The following DGCR8 variants were observed in gnomAD, a reference collection of about 807,000 sequenced individuals.
DGCR8 encodes DGCR8 microprocessor complex subunit, also known as microprocessor complex subunit DGCR8.
In DGCR8, 14 loss-of-function variants were observed where a neutral mutation model predicts 78.5. That is an observed-to-expected ratio of 0.18 (90% CI 0.12 to 0.28). The LOEUF (loss-of-function observed/expected upper bound fraction) is 0.28, where lower values mean the gene tolerates loss of function less well. Among genes scored for constraint, DGCR8 ranks in the 10% least tolerant of loss-of-function variants. The pLI, the probability that DGCR8 is intolerant of heterozygous loss-of-function variation, is 1.00. For missense variants in DGCR8, 702 were observed against 1,022.5 expected, an observed-to-expected ratio of 0.69 and a Z score of 4.28; for synonymous variants, 399 against 402.4, an observed-to-expected ratio of 0.99 and a Z score of 0.10.
chr22:20,091,316 A>G, intron 5 of DGCR8, 119 bp from the exon 6 acceptor site: 1 of 977,556 alleles, frequency 1.0e-6, no homozygotes, highest in Non-Finnish European at 1.6e-6. Flanking sequence ...CCCCTTTGAA[A>G]GGGACGGGGA....
In DGCR8 at chr22:20,104,470, G is replaced by A. The variant is rs538484311; in HGVS notation, c.1789-1707G>A. ...GCGTGAGCCACCGCGCCCGGCTGGC[G>A]TCGGTCTTTTGCCAGAAACTTCTGA... On this transcript the variant is annotated intron_variant, in intron 9 of 13. Transcript: ENST00000351989. Among the ~76,000 whole-genome samples, 11 of 152,242 alleles carry A rather than the reference G, an allele frequency of 7.2e-5. No homozygotes were observed. In the East Asian group the frequency reaches 1.5e-3, roughly 21 times the overall value.
In DGCR8 at chr22:20,087,134, T is replaced by C. The variant is rs370248956; in HGVS notation, c.721-28T>C. On this transcript the variant is annotated intron_variant, in intron 2 of 13. Coordinates refer to ENST00000351989, the MANE Select transcript of DGCR8 (RefSeq NM_022720.7). This position sits in a 1 kb window ranked among gnomAD's most constrained non-coding sequence, Gnocchi z 4.1. ...TTGCAGGAGCATGAGCGCCAGGGGC[T>C]CTGGTGTCTGAACAGCGTGTTTTGC... The C allele has an allele frequency of 7.8e-5, 124 of 1,587,186 alleles. 3 individuals carry two copies. The East Asian group carries it at 1.1e-3, about 14-fold the overall frequency.
chr22:20,081,658 C>T (rs576196302), intron 1 of DGCR8, among the ~76,000 whole-genome samples: 9 of 152,188 alleles, frequency 5.9e-5, no homozygotes, highest in Non-Finnish European at 1.2e-4. Flanking sequence ...GACTTTAATG[C>T]CAGCTTTCCT....
chr22:20,101,193 C>T (rs1476164952), intron 9 of DGCR8: 32 of 984,960 alleles, frequency 3.2e-5, no homozygotes, highest in Non-Finnish European at 8.4e-6. Flanking sequence ...TGAGAGAAGA[C>T]CGTGTGTTTT....
chr22:20,094,906 T>C (rs1461475537), intron 9 of DGCR8, 111 bp downstream of exon 9: 2 of 881,402 alleles, frequency 2.3e-6, no homozygotes, highest in Non-Finnish European at 3.7e-6. Context: ...TTCCATGCCC[T>C]GTAGGTTAGT....
chr22:20,086,728 AAG>A lies in DGCR8; in HGVS notation c.720+51_720+52del. ...TCTAGAGGGCTCTTAGCAAAACCCA[AAG>A]AGAGATTTGGGAATTGCAGCATCTT... On this transcript the variant is annotated intron_variant, in intron 2 of 13. Coordinates refer to ENST00000351989, the MANE Select transcript of DGCR8 (RefSeq NM_022720.7). This position sits in a 1 kb window ranked among gnomAD's most constrained non-coding sequence, Gnocchi z 6.4. 2 of 1,523,314 alleles carry A rather than the reference AAG, an allele frequency of 1.3e-6. No homozygotes were observed. The highest frequency in any genetic ancestry group is 1.7e-6 in the Non-Finnish European group (2 of 1,144,274). The allele number at this position is 1,523,314 out of a possible 1,614,324, so 94.4% of individuals were successfully genotyped here.
At chr22:20,101,304 C>T (rs1320442807) in intron 9 of DGCR8, 4 of 984,658 alleles carry the variant, frequency 4.1e-6, no homozygotes, top group Non-Finnish European at 3.6e-6. Flanking sequence ...GGGCTGGGCG[C>T]GGTGGCTCAC....
rs2049850193 is a variant in DGCR8, at chr22:20,111,706, G to GCTCCCCCCCC, written c.*1599_*1600insTCCCCCCCCC. 1 of 63,028 alleles carries GCTCCCCCCCC rather than the reference G, an allele frequency of 1.6e-5. No individual in the cohort carries two copies. Among genetic ancestry groups the GCTCCCCCCCC allele is most frequent in the Non-Finnish European group, 3.0e-5 (1 of 33,564 alleles). 3.9% of individuals were successfully genotyped at this position (63,028 alleles called of 1,614,324 possible). ...TGCCATACTCTTGTGGTCTCTGTGC[G>GCTCCCCCCCC]CCCCCCCCCCCCCCCCACCCGTCTG... is the stretch of plus-strand genomic sequence containing the variant. On this transcript the variant is annotated 3_prime_UTR_variant, in exon 14 of 14. Coordinates refer to ENST00000351989, the MANE Select transcript of DGCR8 (RefSeq NM_022720.7).
At chr22:20,101,710 G>C (rs1251884532) in intron 9 of DGCR8, 1 of 985,284 alleles carries the variant, frequency 1.0e-6, no homozygotes, top group East Asian at 1.1e-4. Context: ...CTGTTCCTGG[G>C]AAGTTTCTAT....
chr22:20,105,651 T>G (rs1289517395), intron 9 of DGCR8, among the ~76,000 whole-genome samples: 2 of 152,224 alleles, frequency 1.3e-5, no homozygotes, highest in Non-Finnish European at 2.9e-5. Flanking sequence ...GTGATGACAC[T>G]GTTGGAAGCC....
rs1187640141 is a variant in DGCR8 at position 20,086,481 on chromosome 22, G to T, written c.518G>T (p.Gly173Val). The T allele has an allele frequency of 6.2e-7, 1 of 1,614,032 alleles. No homozygotes were observed. Among genetic ancestry groups the T allele is most frequent in the Non-Finnish European group, 8.5e-7 (1 of 1,180,024 alleles). The change falls in exon 2 of 14, where the codon GGC (glycine) becomes GTC (valine). Residue 173 changes from glycine (G) to valine (V), a missense_variant. This residue lies in a region of DGCR8 where 356 missense variants were observed against 448.9 expected (regional missense o/e 0.79). Coordinates refer to ENST00000351989, the MANE Select transcript of DGCR8 (RefSeq NM_022720.7). This position sits in a 1 kb window ranked among gnomAD's most constrained non-coding sequence, Gnocchi z 6.4. ...GGCGGGAGTGTTGGTGACGGGGTAGGCATAGGGGGTGAGAGTGCTGATAAG... is the reference window on the plus strand; with the variant it reads ...GGCGGGAGTGTTGGTGACGGGGTAGTCATAGGGGGTGAGAGTGCTGATAAG... Reference protein sequence around the residue: ...PFGGSVGDGVGIGGESADKKD... With the variant: ...PFGGSVGDGVVIGGESADKKD...
chr22:20,109,089 C>A, intron 13 of DGCR8, 86 bp downstream of exon 13: 1 of 730,016 alleles, frequency 1.4e-6, no homozygotes, highest in South Asian at 1.4e-5. Flanking sequence ...AGGACCCGTG[C>A]CTGAGCTGAC....
intron 8 of DGCR8, 39 bp from the exon 9 acceptor site, chr22:20,094,674 A>G: frequency 1.3e-6 from 2 of 1,576,148 alleles, no homozygotes; most frequent in Non-Finnish European, 1.7e-6. Context: ...AGAAGAGGGC[A>G]GTGCCCAAGC....
At position 20,087,036 on chromosome 22, in the gene DGCR8, A is replaced by G. The variant is rs2049493209; in HGVS notation, c.721-126A>G. 2 of 1,248,588 alleles carry G rather than the reference A, an allele frequency of 1.6e-6. No individual in the cohort carries two copies. Among genetic ancestry groups the G allele is most frequent in the East Asian group, 2.3e-5 (1 of 42,672 alleles). The allele number at this position is 1,248,588 out of a possible 1,614,324, so 77.3% of individuals were successfully genotyped here. On this transcript the variant is annotated intron_variant, in intron 2 of 13. Coordinates refer to ENST00000351989, the MANE Select transcript of DGCR8 (RefSeq NM_022720.7). The surrounding 1 kb of genome is among the most constrained non-coding windows in gnomAD (Gnocchi z 4.1). ...TGTTTTTCAGATGATCATGCACCCT[A>G]AGGGCACATCTAGGCCCCCTGAGAG...
chr22:20,096,473 G>T (rs2049629999), intron 9 of DGCR8: 1 of 985,240 alleles, frequency 1.0e-6, no homozygotes, highest in Admixed American at 6.2e-5. Flanking sequence ...GTTATTTGTA[G>T]CAAGGGCTTG....
chr22:20,106,222 A>G lies in DGCR8; in HGVS notation c.1834A>G (p.Thr612Ala), dbSNP rs550228072. 1.8e-5 allele frequency: 29 copies of G among 1,613,946 alleles called. No homozygotes were observed. In the South Asian group the frequency reaches 3.1e-4, roughly 17 times the overall value. Reference sequence around the variant, plus strand: ...CGAGGACTCGCGGGTCTACGAGCTGACCAGCAAGGCTGGGCTGTTGTCTCC... The same window carrying G: ...CGAGGACTCGCGGGTCTACGAGCTGGCCAGCAAGGCTGGGCTGTTGTCTCC... The part of the protein sequence containing the change: ...SIEDSRVYEL[T>A]SKAGLLSPYQ... The change falls in exon 10 of 14, where the codon ACC becomes GCC. Residue 612 changes from threonine to alanine, a missense_variant. Transcript: ENST00000351989.
In DGCR8 at chr22:20,090,197, A is replaced by C. The variant is rs34204101; in HGVS notation, c.1245A>C (p.Ala415=). 2,380 of 1,614,066 alleles carry C rather than the reference A, an allele frequency of 1.5e-3. 34 individuals are homozygous for C. In the African/African-American group the frequency reaches 0.029, roughly 19 times the overall value. ...PDEKDPLGAE[A]APGALGQVKA... is the part of the protein sequence containing the mutation. ...AGAAAGACCCACTAGGGGCTGAGGCAGCCCCTGGGGCCCTGGGGCAGGTGA... is the reference window on the plus strand; with the variant it reads ...AGAAAGACCCACTAGGGGCTGAGGCCGCCCCTGGGGCCCTGGGGCAGGTGA... Residue 415 remains alanine, a synonymous_variant, in exon 5 of 14, where the codon GCA becomes GCC. Transcript: ENST00000351989.
At chr22:20,106,474 A>C (rs756068860) in intron 10 of DGCR8, 118 bp from the exon 11 acceptor site, 22 of 860,682 alleles carry the variant, frequency 2.6e-5, no homozygotes, top group Non-Finnish European at 3.4e-5. Flanking sequence ...CCTCTGGCTG[A>C]GATGCAGTCT....
chr22:20,084,921 C>A, intron 1 of DGCR8: 2 of 956,586 alleles, frequency 2.1e-6, no homozygotes, highest in Non-Finnish European at 2.5e-6. Flanking sequence ...AGAGTCGCTT[C>A]ACCTTCAGTG....
Sources: allele counts gnomAD v4.1 joint callset (sites outside exome capture counted in the v4.1 genomes callset), GRCh38; gene constraint gnomAD v4.1.1; regional missense constraint gnomAD v4.1.1; non-coding constraint Gnocchi (gnomAD v3.1); transcripts MANE v1.5; gene names NCBI Gene and HGNC (gene_info 2026-07-23, HGNC 2026-07-21).